The following TRPC4AP variants were observed in gnomAD, a reference collection of about 807,000 sequenced individuals.
TRPC4AP encodes transient receptor potential cation channel subfamily C member 4 associated protein, also known as short transient receptor potential channel 4-associated protein.
A neutral mutation model predicts 99.0 loss-of-function variants in TRPC4AP; 45 were observed. That is an observed-to-expected ratio of 0.45 (90% confidence interval 0.36 to 0.58). The LOEUF (loss-of-function observed/expected upper bound fraction) is 0.58, where lower values mean the gene tolerates loss of function less well. TRPC4AP is among the 20% of genes least tolerant of loss of function. The probability of loss-of-function intolerance (pLI) is 0.00; values close to 1 mark genes in which losing one functional copy is unlikely to be tolerated. For synonymous variants in TRPC4AP, 408 were observed against 385.8 expected, an observed-to-expected ratio of 1.06 and a Z score of -0.67; for missense variants, 879 against 985.3, an observed-to-expected ratio of 0.89 and a Z score of 1.44.
At chr20:35,029,112 C>T (rs1003232549) in intron 8 of TRPC4AP, among the ~76,000 whole-genome samples, 11 of 152,114 alleles carry the variant, frequency 7.2e-5, no homozygotes, top group Admixed American at 5.9e-4. Context: ...ATGAGCTGGG[C>T]GTGGGCTCCC....
intron 2 of TRPC4AP, among the ~76,000 whole-genome samples, chr20:35,070,501 C>T (rs1393128960): frequency 6.6e-6 from 1 of 152,020 alleles, no homozygotes; most frequent in Non-Finnish European, 1.5e-5. Flanking sequence ...AGCTCTGCCT[C>T]CCGGGTTCAC....
At chr20:35,036,649 T>C (rs1206818379) in intron 7 of TRPC4AP, among the ~76,000 whole-genome samples, 2 of 152,070 alleles carry the variant, frequency 1.3e-5, no homozygotes, top group Non-Finnish European at 1.5e-5. Context: ...GGAGTAGAGA[T>C]AAAGTAAGAC....
intron 1 of TRPC4AP, among the ~76,000 whole-genome samples, chr20:35,088,034 C>G (rs1031900501): frequency 4.6e-5 from 7 of 152,142 alleles, no homozygotes; most frequent in African/African-American, 1.7e-4. Context: ...ACCTACCCAT[C>G]CAGAGCTAAA....
intron 3 of TRPC4AP, among the ~76,000 whole-genome samples, chr20:35,064,559 CCA>C (rs149906242): frequency 0.081 from 12,311 of 152,270 alleles, 580 homozygotes; most frequent in South Asian, 0.13. Flanking sequence ...AACTACTACA[CCA>C]CAGATTGTCA....
intron 7 of TRPC4AP, among the ~76,000 whole-genome samples, chr20:35,042,433 ACT>A (rs1335489588): frequency 6.6e-6 from 1 of 152,124 alleles, no homozygotes; most frequent in Non-Finnish European, 1.5e-5. Flanking sequence ...GCACTTGATA[ACT>A]CTGCAGAGCC....
At chr20:35,024,169 T>C (rs923467577) in intron 8 of TRPC4AP, among the ~76,000 whole-genome samples, 1 of 151,082 alleles carries the variant, frequency 6.6e-6, no homozygotes, top group Non-Finnish European at 1.5e-5. Context: ...ACAATTCACA[T>C]ACCATGCAAT....
At chr20:35,019,897 C>T (rs1009888608) in intron 9 of TRPC4AP, among the ~76,000 whole-genome samples, 2 of 152,056 alleles carry the variant, frequency 1.3e-5, no homozygotes, top group African/African-American at 4.8e-5. Flanking sequence ...GTAATCAATC[C>T]AAGTGTCAAT....
chr20:35,016,119 C>CTCTG lies in TRPC4AP; in HGVS notation c.1235_1238dup (p.Glu413AspfsTer10). The CTCTG allele has an allele frequency of 6.2e-7, 1 of 1,614,194 alleles. No individual in the cohort carries two copies. Among genetic ancestry groups the CTCTG allele is most frequent in the Non-Finnish European group, 8.5e-7 (1 of 1,180,040 alleles). On this transcript the variant is annotated frameshift_variant, in exon 10 of 19. Coordinates refer to ENST00000252015, the MANE Select transcript of TRPC4AP (RefSeq NM_015638.3). LOFTEE classifies it high-confidence loss of function. The stretch of plus-strand genomic sequence containing the variant: ...TATTAAGTCCAGGGATCAGCTTGAA[C>CTCTG]TCTGCAATCATTCTGTGAACCTGAA...
chr20:35,005,685 T>C lies in TRPC4AP; in HGVS notation c.1936+10A>G, dbSNP rs2082501476. The C allele has an allele frequency of 5.6e-6, 9 of 1,613,416 alleles. No individual in the cohort carries two copies. In the East Asian group the frequency reaches 2.0e-4, roughly 36 times the overall value. On this transcript the variant is annotated intron_variant, in intron 16 of 18. Transcript: ENST00000252015. ...GCATGACTTGCCTTGACAGCCTGCC[T>C]TTCATGTACCTTTCATATCCACCTG...
At chr20:35,039,627 T>C (rs2083403759) in intron 7 of TRPC4AP, among the ~76,000 whole-genome samples, 1 of 152,172 alleles carries the variant, frequency 6.6e-6, no homozygotes, top group South Asian at 2.1e-4. Context: ...TAGTTTCCCC[T>C]CCTGCTTTCC....
At chr20:35,080,278 A>C (rs570151721) in intron 1 of TRPC4AP, among the ~76,000 whole-genome samples, 1 of 151,932 alleles carries the variant, frequency 6.6e-6, no homozygotes, top group Non-Finnish European at 1.5e-5. Flanking sequence ...AGGTGGACAG[A>C]TCACTTGAGC....
At chr20:35,056,704 G>A (rs1029862114) in intron 4 of TRPC4AP, among the ~76,000 whole-genome samples, 4 of 151,968 alleles carry the variant, frequency 2.6e-5, no homozygotes, top group Admixed American at 6.6e-5. Flanking sequence ...ACCGAAGCTG[G>A]GTGCGGTGGC....
At chr20:35,076,514 T>C (rs528686940) in intron 2 of TRPC4AP, among the ~76,000 whole-genome samples, 4 of 152,326 alleles carry the variant, frequency 2.6e-5, no homozygotes, top group South Asian at 2.1e-4. Context: ...TCTGTCAGAG[T>C]TTGCTGGAGG....
chr20:35,077,267 C>T (rs1441876609), intron 2 of TRPC4AP, among the ~76,000 whole-genome samples: 4 of 152,194 alleles, frequency 2.6e-5, no homozygotes, highest in Admixed American at 2.6e-4. Flanking sequence ...ACTGCACCCA[C>T]TGTCTGACAA....
chr20:35,081,703 C>T (rs1004637940), intron 1 of TRPC4AP, among the ~76,000 whole-genome samples: 1 of 151,842 alleles, frequency 6.6e-6, no homozygotes, highest in Admixed American at 6.6e-5. Flanking sequence ...AAAGCATTAC[C>T]AAGCCAGGCA....
chr20:35,077,970 G>T, intron 2 of TRPC4AP, 76 bp downstream of exon 2: 9 of 1,473,394 alleles, frequency 6.1e-6, no homozygotes, highest in Non-Finnish European at 8.2e-6. Flanking sequence ...GCCAACGGAA[G>T]GGAAAAAAAA....
intron 5 of TRPC4AP, among the ~76,000 whole-genome samples, chr20:35,054,058 G>A (rs779325255): frequency 6.6e-6 from 1 of 152,186 alleles, no homozygotes; most frequent in Admixed American, 6.5e-5. Flanking sequence ...CTGGCTATAC[G>A]TTATGTCCCC....
rs767494227 is a variant in TRPC4AP, at chr20:35,092,721, T to G, written c.61A>C (p.Thr21Pro). The change falls in exon 1 of 19, where the codon ACA becomes CCA. Residue 21 changes from threonine (T) to proline (P), a missense_variant. By Grantham distance (38) the Thr-to-Pro change is conservative. Coordinates refer to ENST00000252015, the MANE Select transcript of TRPC4AP (RefSeq NM_015638.3). ...GAGRGRRSAA[T>P]VAAWGGWGGR... Reference sequence around the variant, plus strand: ...CCCCATCCGCCCCAAGCCGCCACTGTGGCTGCCGACCGTCTCCCTCGGCCG... The same window carrying G: ...CCCCATCCGCCCCAAGCCGCCACTGGGGCTGCCGACCGTCTCCCTCGGCCG... The G allele has an allele frequency of 1.3e-6, 2 of 1,559,294 alleles. No individual in the cohort carries two copies. Among genetic ancestry groups the G allele is most frequent in the Non-Finnish European group, 1.7e-6 (2 of 1,163,900 alleles).
intron 6 of TRPC4AP, among the ~76,000 whole-genome samples, chr20:35,048,115 G>A (rs1484951390): frequency 6.6e-6 from 1 of 151,826 alleles, no homozygotes; most frequent in Non-Finnish European, 1.5e-5. Context: ...TTATGTTTAT[G>A]GACCATTTCT....
Sources: gnomAD v4.1 joint callset for allele counts (sites outside exome capture counted in the v4.1 genomes callset) on GRCh38, gnomAD v4.1.1 for gene constraint, MANE v1.5 for transcripts, NCBI Gene and HGNC (gene_info 2026-07-23, HGNC 2026-07-21) for gene names.